TMEM232: variants seen among roughly 807,000 people sequenced by gnomAD.
The protein encoded by TMEM232 is transmembrane protein 232.
In TMEM232, 80 loss-of-function variants were observed where a neutral mutation model predicts 78.8. The observed-to-expected ratio is 1.01, with a 90% confidence interval of 0.85 to 1.22. The LOEUF is 1.22. TMEM232 is among the 50% of genes most tolerant of loss of function. TMEM232 has a pLI of 0.00. For synonymous variants in TMEM232, 297 were observed against 254.3 expected, an observed-to-expected ratio of 1.17 and a Z score of -1.60; for missense variants, 881 against 742.2, an observed-to-expected ratio of 1.19 and a Z score of -2.17.
chr5:110,473,019 AT>A (rs921560183), intron 12 of TMEM232, among the ~76,000 whole-genome samples: 4 of 151,668 alleles, frequency 2.6e-5, no homozygotes, highest in East Asian at 1.9e-4. Context: ...CTGGGCAAAG[AT>A]TTTTTTGGAT....
At chr5:110,734,178 C>T (rs1798946631) in intron 2 of TMEM232, among the ~76,000 whole-genome samples, 2 of 152,336 alleles carry the variant, frequency 1.3e-5, no homozygotes, top group African/African-American at 4.8e-5. Context: ...TTCTCATTCA[C>T]TCCTCTGCGT....
At chr5:110,668,503 G>C (rs1276839073) in intron 1 of TMEM232, among the ~76,000 whole-genome samples, 3 of 152,084 alleles carry the variant, frequency 2.0e-5, no homozygotes, top group African/African-American at 7.2e-5. Flanking sequence ...ATGGAAAGCA[G>C]ATCTGAGTGG....
chr5:110,446,042 G>T (rs1252079527), intron 12 of TMEM232, among the ~76,000 whole-genome samples: 1 of 152,138 alleles, frequency 6.6e-6, no homozygotes, highest in Non-Finnish European at 1.5e-5. Context: ...ATCACCGGAG[G>T]CCATCTTAGA....
At chr5:110,616,985 T>C (rs1783003061) in intron 8 of TMEM232, among the ~76,000 whole-genome samples, 1 of 152,216 alleles carries the variant, frequency 6.6e-6, no homozygotes, top group South Asian at 2.1e-4. Context: ...CTACGTTCAT[T>C]GCAGCATTAT....
Position 110,701,956 on chromosome 5 carries a change from G to A in TMEM232, c.-13+24671C>T, listed in dbSNP as rs1795477041. 2.0e-5 allele frequency among the ~76,000 whole-genome samples: 3 copies of A among 151,988 alleles called. No homozygotes were observed. The South Asian group carries it at 6.2e-4, about 32-fold the overall frequency. On this transcript the variant is annotated intron_variant, in intron 1 of 13. Coordinates refer to ENST00000455884, the MANE Select transcript of TMEM232 (RefSeq NM_001039763.4). ...TATTTGGAACATTTAATTTCTAAGG[G>A]GGGACTACACATAAATCCAAATTGA...
intron 12 of TMEM232, among the ~76,000 whole-genome samples, chr5:110,516,920 A>C (rs555161222): frequency 1.2e-4 from 19 of 152,240 alleles, no homozygotes; most frequent in African/African-American, 4.3e-4. Context: ...CTTTCTAGAA[A>C]ATTTTCAGAT....
In TMEM232 at chr5:110,643,090, T is replaced by G. The variant is rs910175800; in HGVS notation, c.126-719A>C. Among the ~76,000 whole-genome samples, 3 of 152,148 alleles carry G rather than the reference T, an allele frequency of 2.0e-5. No individual in the cohort carries two copies. The South Asian group carries it at 6.2e-4, about 32-fold the overall frequency. Reference sequence around the variant, plus strand: ...TTTGGATAATGGATATGTCTTGACTTCGGCTCCAACCAGATTTGCCAATGA... The same window carrying G: ...TTTGGATAATGGATATGTCTTGACTGCGGCTCCAACCAGATTTGCCAATGA... On this transcript the variant is annotated intron_variant, in intron 2 of 13. Transcript: ENST00000455884.
intron 6 of TMEM232, among the ~76,000 whole-genome samples, chr5:110,627,576 C>T (rs556213899): frequency 2.6e-5 from 4 of 151,904 alleles, no homozygotes; most frequent in African/African-American, 9.7e-5. Context: ...AATGTTCTCA[C>T]CACAAAGAAA....
intron 12 of TMEM232, among the ~76,000 whole-genome samples, chr5:110,442,152 A>T (rs1218564070): frequency 1.3e-5 from 2 of 152,038 alleles, no homozygotes; most frequent in Non-Finnish European, 1.5e-5. Context: ...TTGAATGTTG[A>T]TATCTTCTCT....
intron 12 of TMEM232, among the ~76,000 whole-genome samples, chr5:110,503,571 A>C (rs1315052613): frequency 6.6e-6 from 1 of 152,088 alleles, no homozygotes; most frequent in Non-Finnish European, 1.5e-5. Flanking sequence ...ATCATTATGA[A>C]CCTCACTAAC....
intron 5 of TMEM232, among the ~76,000 whole-genome samples, chr5:110,630,453 T>G (rs1404043790): frequency 6.6e-6 from 1 of 152,186 alleles, no homozygotes; most frequent in African/African-American, 2.4e-5. Context: ...TAATCTCACA[T>G]GTCGGGGGAG....
intron 12 of TMEM232, among the ~76,000 whole-genome samples, chr5:110,505,664 G>A (rs1247246596): frequency 6.6e-6 from 1 of 151,812 alleles, no homozygotes; most frequent in African/African-American, 2.4e-5. Context: ...GCACAACCAC[G>A]CCCTAATTTT....
chr5:110,400,063 G>A (rs549388440), intron 2 of TMEM232, among the ~76,000 whole-genome samples: 3 of 152,014 alleles, frequency 2.0e-5, no homozygotes, highest in Non-Finnish European at 2.9e-5. Context: ...CTCATGACAC[G>A]GCCTATGGCC....
At chr5:110,671,844 TG>T (rs763634635) in intron 1 of TMEM232, among the ~76,000 whole-genome samples, 4 of 152,132 alleles carry the variant, frequency 2.6e-5, no homozygotes, top group South Asian at 2.1e-4. Flanking sequence ...TACATACCTA[TG>T]TAACAAACTT....
In TMEM232 at chr5:110,623,904, A is replaced by G. The variant is rs377240249; in HGVS notation, c.768+1363T>C. ...AGTGGAAAAAGGCACAGAGAGATTT[A>G]GTGACTTGTCCCACTGTAAGCTGAT... On this transcript the variant is annotated intron_variant, in intron 7 of 13. Coordinates refer to ENST00000455884, the MANE Select transcript of TMEM232 (RefSeq NM_001039763.4). Among the ~76,000 whole-genome samples the G allele has an allele frequency of 6.6e-5, 10 of 152,298 alleles. No homozygotes were observed. In the East Asian group the frequency reaches 1.5e-3, roughly 23 times the overall value.
In TMEM232 at chr5:110,453,283, C is replaced by T. The variant is rs143327359; in HGVS notation, c.1704-28367G>A. On this transcript the variant is annotated intron_variant, in intron 12 of 13. Coordinates refer to ENST00000455884, the MANE Select transcript of TMEM232 (RefSeq NM_001039763.4). ...AAGATATCTGACTTTAAATTTCTAC[C>T]GCATACTTTTTTAAATTTTATTTTA... Among the ~76,000 whole-genome samples, 134 of 152,042 alleles carry T rather than the reference C, an allele frequency of 8.8e-4. 2 individuals are homozygous for T. The highest frequency in any genetic ancestry group is 2.7e-3 in the African/African-American group (114 of 41,472).
intron 10 of TMEM232, among the ~76,000 whole-genome samples, chr5:110,585,356 T>TG (rs1184485202): frequency 6.6e-6 from 1 of 152,118 alleles, no homozygotes. Flanking sequence ...CCTGGTTATG[T>TG]GGGGCTTTGT....
At position 110,420,487 on chromosome 5, in the gene TMEM232, G is replaced by A. The variant is rs575701847; in HGVS notation, c.*93C>T. 3 of 769,664 alleles carry A rather than the reference G, an allele frequency of 3.9e-6. No individual in the cohort carries two copies. Among genetic ancestry groups the A allele is most frequent in the Non-Finnish European group, 5.6e-6 (3 of 534,184 alleles). 47.7% of individuals were successfully genotyped at this position (769,664 alleles called of 1,614,324 possible). A position where few individuals can be genotyped will look rare whatever the true frequency, so the allele number is the denominator to read the frequency against. On this transcript the variant is annotated 3_prime_UTR_variant, in exon 14 of 14. Coordinates refer to ENST00000455884, the MANE Select transcript of TMEM232 (RefSeq NM_001039763.4). ...AATACCTCCATTTAATGACAAGAAAGTTCTCTTACTATGTAGCTATCTTGG... is the reference window on the plus strand; with the variant it reads ...AATACCTCCATTTAATGACAAGAAAATTCTCTTACTATGTAGCTATCTTGG...
intron 8 of TMEM232, among the ~76,000 whole-genome samples, chr5:110,615,560 T>C (rs1782818755): frequency 6.6e-6 from 1 of 151,858 alleles, no homozygotes. Context: ...AGCATCTCTC[T>C]AAAATCAGGA....
Sources: gnomAD v4.1 joint callset for allele counts (sites outside exome capture counted in the v4.1 genomes callset) on GRCh38, gnomAD v4.1.1 for gene constraint, MANE v1.5 for transcripts, NCBI Gene and HGNC (gene_info 2026-07-23, HGNC 2026-07-21) for gene names.